Variants in KIF16B observed in about 807,000 individuals in gnomAD.
The protein encoded by KIF16B is kinesin family member 16B, also known as kinesin-like protein KIF16B.
In KIF16B, 98 loss-of-function variants were observed where a neutral mutation model predicts 156.3. The observed-to-expected ratio is 0.63, with a 90% CI of 0.53 to 0.74. The LOEUF (loss-of-function observed/expected upper bound fraction) is 0.74. KIF16B is among the 30% of genes least tolerant of loss of function. KIF16B has a pLI of 0.00. For synonymous variants in KIF16B, 564 were observed against 583.7 expected, an observed-to-expected ratio of 0.97 and a Z score of 0.49; for missense variants, 1,421 against 1,606.5, an observed-to-expected ratio of 0.88 and a Z score of 1.97.
chr20:16,363,794 G>C (rs1008422410), intron 22 of KIF16B, among the ~76,000 whole-genome samples: 4 of 152,218 alleles, frequency 2.6e-5, no homozygotes, highest in Non-Finnish European at 5.9e-5. Context: ...TACTTGCAAA[G>C]CAGCAGAATA....
chr20:16,326,764 G>A (rs775181938), intron 24 of KIF16B, among the ~76,000 whole-genome samples: 4 of 151,970 alleles, frequency 2.6e-5, no homozygotes, highest in African/African-American at 4.8e-5. Flanking sequence ...AAACAGTATG[G>A]AGATTCCTTA....
intron 12 of KIF16B, among the ~76,000 whole-genome samples, chr20:16,491,427 G>C (rs755545383): frequency 6.6e-6 from 1 of 152,130 alleles, no homozygotes; most frequent in African/African-American, 2.4e-5. Flanking sequence ...GAGACATAGA[G>C]TACAGTACAG....
chr20:16,463,080 G>A (rs1017539438), intron 12 of KIF16B, among the ~76,000 whole-genome samples: 3 of 152,208 alleles, frequency 2.0e-5, no homozygotes, highest in Non-Finnish European at 4.4e-5. Context: ...TGCTCCCTAT[G>A]TAAATCAGAC....
At chr20:16,352,839 G>A (rs1357833034) in intron 23 of KIF16B, among the ~76,000 whole-genome samples, 1 of 152,180 alleles carries the variant, frequency 6.6e-6, no homozygotes, top group Non-Finnish European at 1.5e-5. Context: ...CACCAAGTGG[G>A]CCCTGGTGTG....
At chr20:16,491,063 A>C (rs931784904) in intron 12 of KIF16B, among the ~76,000 whole-genome samples, 1 of 152,248 alleles carries the variant, frequency 6.6e-6, no homozygotes, top group African/African-American at 2.4e-5. Flanking sequence ...GCACAAAGGA[A>C]AAGAAAATTC....
chr20:16,476,376 G>A (rs6034490), intron 12 of KIF16B, among the ~76,000 whole-genome samples: 57,688 of 152,062 alleles, frequency 0.38, 12,548 homozygotes, highest in African/African-American at 0.6. Context: ...TTGTTAAAGT[G>A]AAGAAATCAT....
At chr20:16,330,555 T>C (rs1568856425) in intron 24 of KIF16B, among the ~76,000 whole-genome samples, 1 of 152,214 alleles carries the variant, frequency 6.6e-6, no homozygotes, top group African/African-American at 2.4e-5. Flanking sequence ...TGTTCAAGAA[T>C]GTTTACAGAG....
chr20:16,342,064 G>A (rs914808773), intron 23 of KIF16B, among the ~76,000 whole-genome samples: 31 of 152,108 alleles, frequency 2.0e-4, no homozygotes, highest in Admixed American at 2.0e-4. Context: ...TCCAAACCAT[G>A]ATTTTTCCTT....
intron 23 of KIF16B, among the ~76,000 whole-genome samples, chr20:16,336,386 A>G (rs912438046): frequency 2.0e-5 from 3 of 152,138 alleles, no homozygotes; most frequent in African/African-American, 7.2e-5. Context: ...ACAACAGTAT[A>G]TTTTGCTTTT....
At chr20:16,494,219 TAA>T (rs78970970) in intron 12 of KIF16B, 70 bp downstream of exon 12, 29,616 of 718,856 alleles carry the variant, frequency 0.041, no homozygotes, top group South Asian at 0.054. Flanking sequence ...GTTTGGAGAT[TAA>T]AAAAAAAAAA....
At chr20:16,369,788 A>G (rs908300679) in intron 22 of KIF16B, among the ~76,000 whole-genome samples, 1 of 152,116 alleles carries the variant, frequency 6.6e-6, no homozygotes, top group Admixed American at 6.5e-5. Context: ...AGTAATTATC[A>G]TTACTCTTAT....
At chr20:16,301,155 A>T (rs969246965) in intron 25 of KIF16B, among the ~76,000 whole-genome samples, 5 of 152,154 alleles carry the variant, frequency 3.3e-5, no homozygotes, top group African/African-American at 1.2e-4. Context: ...AAATCTCTTC[A>T]TGGCTTGAAA....
At chr20:16,305,802 G>A (rs1168401360) in intron 25 of KIF16B, among the ~76,000 whole-genome samples, 1 of 152,002 alleles carries the variant, frequency 6.6e-6, no homozygotes, top group African/African-American at 2.4e-5. Flanking sequence ...CTGGCTTATT[G>A]CACTTAACAT....
intron 3 of KIF16B, among the ~76,000 whole-genome samples, chr20:16,520,364 G>C (rs1382179047): frequency 6.6e-6 from 1 of 152,092 alleles, no homozygotes. Flanking sequence ...CACCATTACT[G>C]AGACTCGAGT....
chr20:16,557,826 G>T (rs141759423), intron 1 of KIF16B, among the ~76,000 whole-genome samples: 259 of 152,228 alleles, frequency 1.7e-3, no homozygotes, highest in Non-Finnish European at 2.4e-3. Context: ...AAAATTTAGG[G>T]ATTTTAACAG....
intron 15 of KIF16B, among the ~76,000 whole-genome samples, chr20:16,412,680 G>A (rs1396300062): frequency 1.3e-5 from 2 of 151,938 alleles, no homozygotes; most frequent in Non-Finnish European, 2.9e-5. Flanking sequence ...AGCAGAATGG[G>A]GGTAACCACC....
chr20:16,556,191 G>A (rs1426131919), intron 1 of KIF16B, among the ~76,000 whole-genome samples: 2 of 152,042 alleles, frequency 1.3e-5, no homozygotes, highest in Non-Finnish European at 1.5e-5. Context: ...AGGTCACTTG[G>A]GTGCAACTTC....
At chr20:16,423,980 A>G (rs546194113) in intron 15 of KIF16B, among the ~76,000 whole-genome samples, 4 of 152,164 alleles carry the variant, frequency 2.6e-5, no homozygotes, top group Admixed American at 6.5e-5. Context: ...CCAACCAATT[A>G]TGGTCACTTC....
In KIF16B at chr20:16,337,970, T is replaced by A. The variant is rs1420447072; in HGVS notation, c.3622-1955A>T. ...TTTCACAGGTGAGACTATACTATACTGGGACTCAAGATTCCTCAGAAAGCC... is the reference window on the plus strand; with the variant it reads ...TTTCACAGGTGAGACTATACTATACAGGGACTCAAGATTCCTCAGAAAGCC... On this transcript the variant is annotated intron_variant, in intron 23 of 25. Coordinates refer to ENST00000354981, the MANE Select transcript of KIF16B (RefSeq NM_024704.5). 2.6e-5 allele frequency among the ~76,000 whole-genome samples: 4 copies of A among 152,188 alleles called. No individual in the cohort carries two copies. The East Asian group carries it at 7.7e-4, about 29-fold the overall frequency.
Sources: allele counts gnomAD v4.1 joint callset (sites outside exome capture counted in the v4.1 genomes callset), GRCh38; gene constraint gnomAD v4.1.1; transcripts MANE v1.5; gene names NCBI Gene and HGNC (gene_info 2026-07-23, HGNC 2026-07-21).